Variants in COLEC12 observed in about 807,000 individuals in gnomAD.
COLEC12 encodes collectin subfamily member 12.
COLEC12 carries 33 observed loss-of-function variants against 71.1 expected under a neutral mutation model. The observed-to-expected ratio is 0.46, with a 90% CI of 0.35 to 0.62. The LOEUF (loss-of-function observed/expected upper bound fraction) is 0.62, where lower values mean the gene tolerates loss of function less well. COLEC12 is among the 20% of genes least tolerant of loss of function. The pLI, the probability that COLEC12 is intolerant of heterozygous loss-of-function variation, is 0.00. For synonymous variants in COLEC12, 350 were observed against 353.0 expected (o/e 0.99, Z 0.10); for missense variants, 765 against 916.1 (o/e 0.84, Z 2.13).
intron 5 of COLEC12, among the ~76,000 whole-genome samples, chr18:337,553 T>G (rs1479327797): frequency 6.6e-6 from 1 of 152,230 alleles, no homozygotes; most frequent in Non-Finnish European, 1.5e-5. Flanking sequence ...TGGCAAGGAC[T>G]GGCCTAAATG....
chr18:325,561 A>G (rs113424444), intron 8 of COLEC12, among the ~76,000 whole-genome samples: 1,775 of 149,924 alleles, frequency 0.012, 37 homozygotes, highest in African/African-American at 0.041. Context: ...GCCTCCATTA[A>G]CAATGACAGT....
At chr18:478,912 A>ACCACCATAAATTAAAACC (rs1325522169) in intron 2 of COLEC12, among the ~76,000 whole-genome samples, 1 of 122,636 alleles carries the variant, frequency 8.2e-6, no homozygotes, top group African/African-American at 3.6e-5. Flanking sequence ...CCACGCATAA[A>ACCACCATAAATTAAAACC]TGTACTTTTT....
At chr18:376,667 G>A (rs1327326677) in intron 2 of COLEC12, among the ~76,000 whole-genome samples, 2 of 152,322 alleles carry the variant, frequency 1.3e-5, no homozygotes, top group Non-Finnish European at 1.5e-5. Flanking sequence ...ATGGGGACAC[G>A]AGTTTCTAGA....
At chr18:465,513 C>T (rs1401367020) in intron 2 of COLEC12, among the ~76,000 whole-genome samples, 1 of 152,144 alleles carries the variant, frequency 6.6e-6, no homozygotes, top group Admixed American at 6.5e-5. Context: ...TTCCTTGAAC[C>T]TTTCATCTCT....
chr18:385,458 G>T (rs1915325981), intron 2 of COLEC12, among the ~76,000 whole-genome samples: 1 of 151,502 alleles, frequency 6.6e-6, no homozygotes, highest in Admixed American at 6.6e-5. Flanking sequence ...CTGAGTAGCT[G>T]GGATTACAGG....
intron 5 of COLEC12, among the ~76,000 whole-genome samples, chr18:343,536 T>C (rs947430345): frequency 1.3e-5 from 2 of 151,938 alleles, no homozygotes; most frequent in Non-Finnish European, 2.9e-5. Context: ...CAGAGTGACC[T>C]TGTGAAAATA....
intron 2 of COLEC12, among the ~76,000 whole-genome samples, chr18:446,433 G>A (rs1249678736): frequency 6.6e-6 from 1 of 151,220 alleles, no homozygotes; most frequent in South Asian, 2.1e-4. Context: ...CAGGCGCAGT[G>A]TCTCATACCT....
At chr18:373,474 T>C (rs1156999111) in intron 2 of COLEC12, among the ~76,000 whole-genome samples, 1 of 152,224 alleles carries the variant, frequency 6.6e-6, no homozygotes, top group Admixed American at 6.5e-5. Flanking sequence ...GGGTTTGTAC[T>C]AATTCCTCAG....
chr18:396,424 T>C (rs988215083), intron 2 of COLEC12, among the ~76,000 whole-genome samples: 1 of 152,222 alleles, frequency 6.6e-6, no homozygotes, highest in African/African-American at 2.4e-5. Context: ...CCGAATCTAC[T>C]AGCCAGGACT....
At chr18:465,184 C>T (rs547834310) in intron 2 of COLEC12, among the ~76,000 whole-genome samples, 10 of 152,318 alleles carry the variant, frequency 6.6e-5, no homozygotes, top group African/African-American at 2.4e-4. Flanking sequence ...CTCACTGCAA[C>T]CTCTGCCTCC....
At chr18:323,046 G>A (rs998418414) in intron 8 of COLEC12, among the ~76,000 whole-genome samples, 8 of 152,160 alleles carry the variant, frequency 5.3e-5, no homozygotes, top group Non-Finnish European at 1.0e-4. Context: ...CCAACATGGC[G>A]AAACCCTGTC....
chr18:330,873 G>GTTTTTTTT (rs60146586), intron 8 of COLEC12, among the ~76,000 whole-genome samples: 27 of 133,732 alleles, frequency 2.0e-4, no homozygotes, highest in Non-Finnish European at 3.1e-4. Context: ...CACATTTGTA[G>GTTTTTTTT]TTTTTTTTTT....
intron 2 of COLEC12, among the ~76,000 whole-genome samples, chr18:445,422 G>T (rs979633934): frequency 1.3e-5 from 2 of 152,108 alleles, no homozygotes; most frequent in Admixed American, 1.3e-4. Context: ...AGATCTGACG[G>T]TTATCTGTTA....
chr18:409,793 C>T (rs944890248), intron 2 of COLEC12, among the ~76,000 whole-genome samples: 1 of 152,120 alleles, frequency 6.6e-6, no homozygotes, highest in Non-Finnish European at 1.5e-5. Flanking sequence ...ATACACATAC[C>T]ATGCATATAT....
intron 2 of COLEC12, among the ~76,000 whole-genome samples, chr18:474,842 G>T: frequency 6.6e-6 from 1 of 152,154 alleles, no homozygotes; most frequent in South Asian, 2.1e-4. Flanking sequence ...GGAGGCCAAG[G>T]CAGGCGGATC....
Position 376,136 on chromosome 18 carries a change from C to T in COLEC12, c.59-18614G>A, listed in dbSNP as rs59623355. Reference sequence around the variant, plus strand: ...TGGAAGTCCTGGGATAGAAGAGAGGCAGAAATCCATTCTTTCTGGAACAAC... The same window carrying T: ...TGGAAGTCCTGGGATAGAAGAGAGGTAGAAATCCATTCTTTCTGGAACAAC... On this transcript the variant is annotated intron_variant, in intron 2 of 9. Coordinates refer to ENST00000400256, the MANE Select transcript of COLEC12 (RefSeq NM_130386.3). Among the ~76,000 whole-genome samples the T allele has an allele frequency of 6.7e-3, 1,017 of 152,216 alleles. 12 individuals are homozygous for T. The highest frequency in any genetic ancestry group is 0.023 in the African/African-American group (945 of 41,506).
rs1014445272 is a variant in COLEC12 at position 376,979 on chromosome 18, C to T, written c.59-19457G>A. 9.0e-4 allele frequency among the ~76,000 whole-genome samples: 137 copies of T among 152,180 alleles called. 1 individual carries two copies. Among genetic ancestry groups the T allele is most frequent in the African/African-American group, 3.1e-3 (130 of 41,444 alleles). On this transcript the variant is annotated intron_variant, in intron 2 of 9. Coordinates refer to ENST00000400256, the MANE Select transcript of COLEC12 (RefSeq NM_130386.3). ...GCCTGAAGCGTTTTTTATAAAGGGA[C>T]TTTTCTGCACCCCTTCCCTTCCAAC...
intron 2 of COLEC12, among the ~76,000 whole-genome samples, chr18:405,358 C>T (rs531119506): frequency 3.6e-4 from 55 of 152,110 alleles, no homozygotes; most frequent in Admixed American, 6.6e-4. Context: ...CCCTTTGAAG[C>T]GTGTGATCTT....
intron 2 of COLEC12, among the ~76,000 whole-genome samples, chr18:479,288 G>A (rs757391773): frequency 5.9e-5 from 9 of 151,874 alleles, no homozygotes; most frequent in East Asian, 1.9e-4. Flanking sequence ...GAGGAGGGGC[G>A]ACGGGGCTGC....
Sources: allele counts gnomAD v4.1 joint callset (sites outside exome capture counted in the v4.1 genomes callset), GRCh38; gene constraint gnomAD v4.1.1; transcripts MANE v1.5; gene names NCBI Gene and HGNC (gene_info 2026-07-23, HGNC 2026-07-21).